Variants in COX10 observed in about 807,000 individuals in gnomAD.
The protein encoded by COX10 is protoheme IX farnesyltransferase, mitochondrial.
Under a neutral mutation model 37.3 loss-of-function variants are expected in COX10, and 27 were observed. The observed-to-expected ratio is 0.72, with a 90% CI of 0.53 to 1.00. COX10 has a LOEUF of 1.00. Ranked by LOEUF, COX10 falls within the 50% of genes least tolerant of loss-of-function variation. The pLI, the probability that COX10 is intolerant of heterozygous loss-of-function variation, is 0.00. For missense variants in COX10, 475 were observed against 563.2 expected (o/e 0.84, Z 1.59); for synonymous variants, 222 against 229.1 (o/e 0.97, Z 0.28).
In COX10 at chr17:14,069,530, G is replaced by C; in HGVS notation, c.-76G>C. The C allele has an allele frequency of 6.4e-7, 1 of 1,574,198 alleles. No individual in the cohort carries two copies. The highest frequency in any genetic ancestry group is 1.1e-5 in the South Asian group (1 of 89,126). On this transcript the variant is annotated 5_prime_UTR_variant, in exon 1 of 7. Coordinates refer to ENST00000261643, the MANE Select transcript of COX10 (RefSeq NM_001303.4). ...CTACTCCCACAGGGGGGCGGGGAAGGAAGATGGCGGCGCCCAGCGTCCCGT... is the reference window on the plus strand; with the variant it reads ...CTACTCCCACAGGGGGGCGGGGAAGCAAGATGGCGGCGCCCAGCGTCCCGT...
chr17:14,194,584 G>A (rs1027036033), intron 6 of COX10, among the ~76,000 whole-genome samples: 3 of 151,962 alleles, frequency 2.0e-5, no homozygotes, highest in African/African-American at 4.8e-5. Flanking sequence ...CCGCCACCAC[G>A]CCCAGCTAAT....
chr17:14,176,913 G>A (rs1171531343), intron 5 of COX10, among the ~76,000 whole-genome samples: 1 of 151,810 alleles, frequency 6.6e-6, no homozygotes, highest in African/African-American at 2.4e-5. Context: ...TTTTGAAATA[G>A]TTACAGTAAA....
intron 6 of COX10, among the ~76,000 whole-genome samples, chr17:14,193,233 G>A (rs1338715518): frequency 1.3e-5 from 2 of 152,206 alleles, no homozygotes; most frequent in African/African-American, 2.4e-5. Flanking sequence ...TGGGGAGCCC[G>A]ACCCCACCGC....
At chr17:14,105,849 C>A (rs1467950897) in intron 4 of COX10, among the ~76,000 whole-genome samples, 1 of 152,044 alleles carries the variant, frequency 6.6e-6, no homozygotes, top group Non-Finnish European at 1.5e-5. Context: ...TTATAGACTT[C>A]TTCACATACA....
In COX10 at chr17:14,176,438, G is replaced by T. The variant is rs531174209; in HGVS notation, c.696-15551G>T. 9.2e-5 allele frequency among the ~76,000 whole-genome samples: 14 copies of T among 152,208 alleles called. No individual in the cohort carries two copies. In the South Asian group the frequency reaches 1.2e-3, roughly 14 times the overall value. ...CATGAAGAATAATAGAGTAAACCCC[G>T]CAGGGAAACAGAACCCCATAGAATT... On this transcript the variant is annotated intron_variant, in intron 5 of 6. Transcript: ENST00000261643.
chr17:14,134,204 G>A (rs1916528498), intron 4 of COX10, among the ~76,000 whole-genome samples: 1 of 151,722 alleles, frequency 6.6e-6, no homozygotes, highest in Non-Finnish European at 1.5e-5. Flanking sequence ...ATTATATATA[G>A]ATCTTTAGAG....
intron 6 of COX10, among the ~76,000 whole-genome samples, chr17:14,199,946 A>G (rs1906497146): frequency 6.6e-6 from 1 of 152,208 alleles, no homozygotes; most frequent in Non-Finnish European, 1.5e-5. Context: ...CCAGTCATGG[A>G]GCAGACGCGC....
intron 5 of COX10, among the ~76,000 whole-genome samples, chr17:14,184,534 C>T (rs1285418087): frequency 6.6e-6 from 1 of 152,236 alleles, no homozygotes; most frequent in African/African-American, 2.4e-5. Context: ...TTTTACCACA[C>T]TTGCTCCATC....
chr17:14,144,973 A>G (rs367948713), intron 4 of COX10, among the ~76,000 whole-genome samples: 7 of 152,252 alleles, frequency 4.6e-5, no homozygotes, highest in African/African-American at 1.7e-4. Context: ...AACGTGCTAT[A>G]CAGACAAGGG....
intron 4 of COX10, among the ~76,000 whole-genome samples, chr17:14,151,715 T>A (rs1904903815): frequency 6.6e-6 from 1 of 152,168 alleles, no homozygotes; most frequent in South Asian, 2.1e-4. Flanking sequence ...TATCAAGTCA[T>A]GAGGAAAGAT....
chr17:14,199,648 A>C (rs76565822), intron 6 of COX10, among the ~76,000 whole-genome samples: 1,762 of 152,316 alleles, frequency 0.012, 28 homozygotes, highest in African/African-American at 0.04. Flanking sequence ...AGAATTCTTC[A>C]AGGGCAAGCA....
intron 4 of COX10, among the ~76,000 whole-genome samples, chr17:14,149,568 G>A (rs905957391): frequency 3.3e-5 from 5 of 152,242 alleles, no homozygotes; most frequent in Admixed American, 6.5e-5. Flanking sequence ...ATTCATGGCC[G>A]TGATGGTTCT....
At chr17:14,096,674 A>T (rs1251807160) in intron 3 of COX10, among the ~76,000 whole-genome samples, 7 of 152,008 alleles carry the variant, frequency 4.6e-5, no homozygotes, top group South Asian at 2.1e-4. Flanking sequence ...CTGGCAAAAA[A>T]ATTTTTTTGT....
chr17:14,160,111 T>A (rs1905142339), intron 5 of COX10, among the ~76,000 whole-genome samples, 164 bp downstream of exon 5: 1 of 152,198 alleles, frequency 6.6e-6, no homozygotes, highest in Non-Finnish European at 1.5e-5. Context: ...CTAACCAAAG[T>A]GTGTTACAAA....
intron 5 of COX10, among the ~76,000 whole-genome samples, chr17:14,176,447 CAG>C (rs1041199826): frequency 3.3e-5 from 5 of 152,162 alleles, no homozygotes; most frequent in African/African-American, 9.7e-5. Context: ...CGCAGGGAAA[CAG>C]AACCCCATAG....
At chr17:14,197,699 A>G (rs984894096) in intron 6 of COX10, among the ~76,000 whole-genome samples, 2 of 151,322 alleles carry the variant, frequency 1.3e-5, no homozygotes, top group African/African-American at 4.9e-5. Flanking sequence ...TAAGCAGCTC[A>G]GCTTTTCTCC....
At chr17:14,115,642 A>G (rs1255946078) in intron 4 of COX10, among the ~76,000 whole-genome samples, 4 of 152,184 alleles carry the variant, frequency 2.6e-5, no homozygotes, top group South Asian at 2.1e-4. Context: ...GCGTCCATCA[A>G]TGGATGATTA....
chr17:14,146,146 C>T (rs1181970769), intron 4 of COX10, among the ~76,000 whole-genome samples: 4 of 151,764 alleles, frequency 2.6e-5, no homozygotes, highest in African/African-American at 9.7e-5. Context: ...CACAAAAGAC[C>T]CAGGATAGCC....
Position 14,135,326 on chromosome 17 carries a change from A to G in COX10, c.625-24551A>G, listed in dbSNP as rs759798470. Among the ~76,000 whole-genome samples, 16 of 151,938 alleles carry G rather than the reference A, an allele frequency of 1.1e-4. 1 individual carries two copies. Among genetic ancestry groups the G allele is most frequent in the Admixed American group, 5.3e-4 (8 of 15,200 alleles). ...ATTATAAAATTTCTTTGGAACTAATATAGCTATTTTGTTATGAATGAAAAT... is the reference window on the plus strand; with the variant it reads ...ATTATAAAATTTCTTTGGAACTAATGTAGCTATTTTGTTATGAATGAAAAT... On this transcript the variant is annotated intron_variant, in intron 4 of 6. Coordinates refer to ENST00000261643, the MANE Select transcript of COX10 (RefSeq NM_001303.4).
Sources: allele counts gnomAD v4.1 joint callset (sites outside exome capture counted in the v4.1 genomes callset), GRCh38; gene constraint gnomAD v4.1.1; transcripts MANE v1.5; gene names NCBI Gene and HGNC (gene_info 2026-07-23, HGNC 2026-07-21).